Variants in NELL1 observed in about 807,000 individuals in gnomAD.
NELL1 encodes neural EGFL like 1.
A neutral mutation model predicts 107.4 loss-of-function variants in NELL1; 76 were observed. That is an observed-to-expected ratio of 0.71 (90% CI 0.59 to 0.86). NELL1 has a LOEUF of 0.86. NELL1 is among the 40% of genes least tolerant of loss of function. The pLI, the probability that NELL1 is intolerant of heterozygous loss-of-function variation, is 0.00. For synonymous variants in NELL1, 353 were observed against 341.2 expected (o/e 1.03, Z -0.38); for missense variants, 1,024 against 1,005.5 (o/e 1.02, Z -0.25).
intron 5 of NELL1, among the ~76,000 whole-genome samples, chr11:20,890,273 A>T (rs1357669042): frequency 6.6e-6 from 1 of 152,130 alleles, no homozygotes; most frequent in African/African-American, 2.4e-5. Context: ...GAGAGACCTG[A>T]CTATTGAAAT....
intron 15 of NELL1, among the ~76,000 whole-genome samples, chr11:21,396,601 T>C (rs1381618413): frequency 6.6e-6 from 1 of 151,558 alleles, no homozygotes; most frequent in Non-Finnish European, 1.5e-5. Context: ...TTAGGAGCAT[T>C]AGGGGAGATA....
chr11:20,816,285 G>A (rs1857622115), intron 3 of NELL1, among the ~76,000 whole-genome samples: 1 of 152,134 alleles, frequency 6.6e-6, no homozygotes. Context: ...CCATGAGCAT[G>A]GAATGTTTTT....
At chr11:21,472,202 G>A (rs770923369) in intron 15 of NELL1, among the ~76,000 whole-genome samples, 2 of 151,906 alleles carry the variant, frequency 1.3e-5, no homozygotes, top group African/African-American at 2.4e-5. Context: ...CTACCCAGCT[G>A]TGGCTCACTG....
chr11:21,481,667 G>A (rs963634662), intron 15 of NELL1, among the ~76,000 whole-genome samples: 4 of 152,198 alleles, frequency 2.6e-5, no homozygotes, highest in Admixed American at 2.6e-4. Flanking sequence ...GCTGATGGCT[G>A]GACATTGTTG....
chr11:20,901,844 C>T (rs1459107291), intron 5 of NELL1, among the ~76,000 whole-genome samples: 1 of 151,850 alleles, frequency 6.6e-6, no homozygotes, highest in African/African-American at 2.4e-5. Flanking sequence ...GCATTCCTGA[C>T]CAATGAGGAA....
Position 21,560,257 on chromosome 11 carries a change from G to C in NELL1, c.1855G>C (p.Gly619Arg). The C allele has an allele frequency of 6.2e-7, 1 of 1,613,650 alleles. No individual in the cohort carries two copies. The highest frequency in any genetic ancestry group is 8.5e-7 in the Non-Finnish European group (1 of 1,179,746). Residue 619 changes from glycine to arginine, a missense_variant, in exon 17 of 20, where the codon GGC (glycine) becomes CGC (arginine). Transcript: ENST00000357134. ...NDSACINLAG[G>R]FDCLCPSGPS... ...TTCTGCCTGCATCAACCTGGCAGGGGGCTTTGACTGTCTCTGCCCCTCTGG... is the reference window on the plus strand; with the variant it reads ...TTCTGCCTGCATCAACCTGGCAGGGCGCTTTGACTGTCTCTGCCCCTCTGG...
chr11:21,215,469 A>T (rs1239543653), intron 13 of NELL1, among the ~76,000 whole-genome samples: 1 of 152,220 alleles, frequency 6.6e-6, no homozygotes, highest in Admixed American at 6.5e-5. Flanking sequence ...GTGACTTTGG[A>T]ACTGGGTAAC....
At chr11:20,675,772 C>A (rs12801795) in intron 1 of NELL1, among the ~76,000 whole-genome samples, 14,372 of 151,906 alleles carry the variant, frequency 0.095, 768 homozygotes, top group Non-Finnish European at 0.12. Flanking sequence ...CTTCTTTTTT[C>A]TTTTCTTTTC....
intron 12 of NELL1, among the ~76,000 whole-genome samples, chr11:21,027,946 T>G (rs1378787376): frequency 1.3e-5 from 2 of 152,128 alleles, no homozygotes; most frequent in African/African-American, 4.8e-5. Flanking sequence ...GCTGCTGCAG[T>G]GTGTGTTTTT....
At chr11:21,230,028 C>T (rs1244599872) in intron 14 of NELL1, among the ~76,000 whole-genome samples, 1 of 152,168 alleles carries the variant, frequency 6.6e-6, no homozygotes, top group African/African-American at 2.4e-5. Flanking sequence ...TTTACCTCAG[C>T]CTACTGGGTC....
At chr11:20,733,736 T>C (rs528761950) in intron 2 of NELL1, among the ~76,000 whole-genome samples, 2 of 152,274 alleles carry the variant, frequency 1.3e-5, no homozygotes, top group South Asian at 4.2e-4. Context: ...ACAAATAAAT[T>C]ACAAGATAAT....
intron 16 of NELL1, among the ~76,000 whole-genome samples, chr11:21,538,973 A>G (rs1042764878): frequency 6.6e-6 from 1 of 151,120 alleles, no homozygotes; most frequent in Non-Finnish European, 1.5e-5. Context: ...TCTTTCCTCT[A>G]CTCCTTTGCT....
At chr11:20,783,024 T>G (rs1321260571) in intron 2 of NELL1, among the ~76,000 whole-genome samples, 1 of 152,206 alleles carries the variant, frequency 6.6e-6, no homozygotes, top group Non-Finnish European at 1.5e-5. Context: ...AGTCATCCAT[T>G]GCATGCTTAT....
At position 20,860,529 on chromosome 11, in the gene NELL1, C is replaced by T. The variant is rs556468472; in HGVS notation, c.506+12776C>T. ...GTAGGCATCATTTCTACTCAGTCCACCTGTACAGGGGGTATCATGAGGTTC... is the reference window on the plus strand; with the variant it reads ...GTAGGCATCATTTCTACTCAGTCCATCTGTACAGGGGGTATCATGAGGTTC... On this transcript the variant is annotated intron_variant, in intron 4 of 19. Coordinates refer to ENST00000357134, the MANE Select transcript of NELL1 (RefSeq NM_006157.5). Among the ~76,000 whole-genome samples, 7 of 152,258 alleles carry T rather than the reference C, an allele frequency of 4.6e-5. No homozygotes were observed. The South Asian group carries it at 1.5e-3, about 32-fold the overall frequency.
At chr11:20,724,628 A>G (rs1470427590) in intron 2 of NELL1, among the ~76,000 whole-genome samples, 1 of 152,152 alleles carries the variant, frequency 6.6e-6, no homozygotes, top group Non-Finnish European at 1.5e-5. Flanking sequence ...TTCATTGTCC[A>G]TATCATTATC....
chr11:20,809,665 C>G (rs1857458128), intron 3 of NELL1, among the ~76,000 whole-genome samples: 1 of 152,172 alleles, frequency 6.6e-6, no homozygotes, highest in African/African-American at 2.4e-5. Context: ...TAATGTCTTT[C>G]AGGTTCCTCT....
chr11:21,532,015 TA>T (rs372321814), intron 15 of NELL1, among the ~76,000 whole-genome samples: 6 of 152,312 alleles, frequency 3.9e-5, no homozygotes, highest in African/African-American at 1.4e-4. Context: ...ATATGGTACA[TA>T]AAAATGAATT....
chr11:21,494,491 G>A (rs1854923794), intron 15 of NELL1, among the ~76,000 whole-genome samples: 1 of 151,860 alleles, frequency 6.6e-6, no homozygotes, highest in African/African-American at 2.4e-5. Context: ...TGTAATTTTA[G>A]CACACACATG....
intron 4 of NELL1, among the ~76,000 whole-genome samples, chr11:20,883,837 T>G (rs1849454476): frequency 6.6e-6 from 1 of 152,204 alleles, no homozygotes; most frequent in South Asian, 2.1e-4. Context: ...TAAATTTGCC[T>G]TGTGTCTAGT....
Sources: gnomAD v4.1 joint callset for allele counts (sites outside exome capture counted in the v4.1 genomes callset) on GRCh38, gnomAD v4.1.1 for gene constraint, MANE v1.5 for transcripts, NCBI Gene and HGNC (gene_info 2026-07-23, HGNC 2026-07-21) for gene names.